The following AGMO variants were observed in gnomAD, a reference collection of about 807,000 sequenced individuals.
The protein encoded by AGMO is glyceryl-ether monooxygenase.
AGMO carries 75 observed loss-of-function variants against 60.2 expected under a neutral mutation model. The observed-to-expected ratio is 1.25, with a 90% CI of 1.03 to 1.51. The LOEUF (loss-of-function observed/expected upper bound fraction) is 1.51, where lower values mean the gene tolerates loss of function less well. Ranked by LOEUF, AGMO falls within the 40% of genes most tolerant of loss-of-function variation. The pLI is 0.00. For synonymous variants in AGMO, 261 were observed against 177.1 expected, an observed-to-expected ratio of 1.47 and a Z score of -3.76; for missense variants, 763 against 525.5, an observed-to-expected ratio of 1.45 and a Z score of -4.42.
intron 3 of AGMO, among the ~76,000 whole-genome samples, chr7:15,470,477 T>G (rs1269649470): frequency 6.6e-6 from 1 of 151,976 alleles, no homozygotes. Context: ...TTTCTAAAAT[T>G]TTTCAACTTC....
At chr7:15,537,475 C>A (rs1211115486) in intron 3 of AGMO, among the ~76,000 whole-genome samples, 15 of 152,098 alleles carry the variant, frequency 9.9e-5, no homozygotes. Context: ...AGTTTATAAT[C>A]TTTACTCCAT....
chr7:15,377,196 C>G (rs1783489935), intron 10 of AGMO, among the ~76,000 whole-genome samples: 1 of 151,984 alleles, frequency 6.6e-6, no homozygotes, highest in Non-Finnish European at 1.5e-5. Flanking sequence ...TGCAAATAAA[C>G]AACCTTTCTT....
intron 12 of AGMO, among the ~76,000 whole-genome samples, chr7:15,277,876 C>T (rs1289615980): frequency 1.3e-5 from 2 of 152,210 alleles, no homozygotes; most frequent in South Asian, 2.1e-4. Context: ...ACCTGGCTTG[C>T]CTATGATATC....
chr7:15,399,600 G>A (rs967833825), intron 5 of AGMO, among the ~76,000 whole-genome samples: 7 of 152,106 alleles, frequency 4.6e-5, no homozygotes, highest in African/African-American at 1.7e-4. Context: ...GTAACAGTAA[G>A]CTCCATGATG....
the AGMO span, among the ~76,000 whole-genome samples, chr7:15,150,212 A>G: frequency 6.6e-6 from 1 of 152,018 alleles, no homozygotes; most frequent in Admixed American, 6.6e-5. Context: ...TGGGTAGACT[A>G]TGAGGTTTCC....
chr7:15,247,455 C>CAG (rs1201390163), intron 12 of AGMO, among the ~76,000 whole-genome samples: 94 of 120,288 alleles, frequency 7.8e-4, no homozygotes, highest in African/African-American at 2.6e-3. Context: ...CACACACACA[C>CAG]ACACAGAGAG....
the AGMO span, among the ~76,000 whole-genome samples, chr7:15,152,491 C>A: frequency 2.0e-5 from 3 of 152,110 alleles, no homozygotes; most frequent in East Asian, 5.8e-4. Flanking sequence ...TGTCTCTCAA[C>A]CCCCTCCCAC....
At chr7:15,410,005 T>A (rs868135645) in intron 5 of AGMO, among the ~76,000 whole-genome samples, 11 of 151,456 alleles carry the variant, frequency 7.3e-5, no homozygotes, top group Middle Eastern at 6.8e-3. Flanking sequence ...AAATAAATAA[T>A]AAATAAATAA....
At chr7:15,204,915 A>C (rs1460101706) in intron 12 of AGMO, among the ~76,000 whole-genome samples, 1 of 151,780 alleles carries the variant, frequency 6.6e-6, no homozygotes, top group Non-Finnish European at 1.5e-5. Flanking sequence ...CTGGACTCGA[A>C]CTCCTGGGCT....
chr7:15,220,612 G>C (rs1053340925), intron 12 of AGMO, among the ~76,000 whole-genome samples: 1 of 151,548 alleles, frequency 6.6e-6, no homozygotes. Flanking sequence ...AGGACACAGT[G>C]ATAATAATAT....
chr7:15,396,422 T>C (rs1784385802), intron 5 of AGMO: 1 of 152,280 alleles, frequency 6.6e-6, no homozygotes, highest in East Asian at 1.9e-4. Flanking sequence ...TTCAGTAACC[T>C]TGCTGGCTTG....
intron 12 of AGMO, among the ~76,000 whole-genome samples, chr7:15,251,553 T>G (rs1351403921): frequency 6.6e-6 from 1 of 152,240 alleles, no homozygotes; most frequent in Non-Finnish European, 1.5e-5. Flanking sequence ...GAAGTTAATG[T>G]TCTAAGAAAG....
At chr7:15,260,753 C>G (rs553392109) in intron 12 of AGMO, among the ~76,000 whole-genome samples, 26 of 152,086 alleles carry the variant, frequency 1.7e-4, no homozygotes, top group Non-Finnish European at 3.1e-4. Context: ...CAAGGTACAT[C>G]ATATGATGTA....
In AGMO at chr7:15,427,664, A is replaced by T. The variant is rs560906383; in HGVS notation, c.513+3341T>A. ...GTAATATTTTATATGACATCCATGAATTTAAACACATTTTATTATTATCAT... is the reference window on the plus strand; with the variant it reads ...GTAATATTTTATATGACATCCATGATTTTAAACACATTTTATTATTATCAT... On this transcript the variant is annotated intron_variant, in intron 4 of 12. Transcript: ENST00000342526. Among the ~76,000 whole-genome samples the T allele has an allele frequency of 2.6e-4, 40 of 152,150 alleles. 1 individual carries two copies. The highest frequency in any genetic ancestry group is 9.6e-4 in the African/African-American group (40 of 41,506).
chr7:15,334,317 T>A (rs1225370288), intron 12 of AGMO, among the ~76,000 whole-genome samples: 7 of 151,950 alleles, frequency 4.6e-5, no homozygotes, highest in Non-Finnish European at 7.4e-5. Context: ...GTGAGTTTTT[T>A]TTTTTTTTAA....
At chr7:15,119,383 TTTC>T in the AGMO span, among the ~76,000 whole-genome samples, 1 of 152,056 alleles carries the variant, frequency 6.6e-6, no homozygotes, top group Non-Finnish European at 1.5e-5. Flanking sequence ...GTCTTGGGTG[TTTC>T]TTTATACCAG....
the AGMO span, among the ~76,000 whole-genome samples, chr7:15,183,229 G>C: frequency 6.6e-6 from 1 of 150,816 alleles, no homozygotes. Flanking sequence ...GCACCATTTT[G>C]ACTTTAAAGA....
At chr7:15,304,836 C>A (rs1421055423) in intron 12 of AGMO, among the ~76,000 whole-genome samples, 1 of 151,982 alleles carries the variant, frequency 6.6e-6, no homozygotes, top group Non-Finnish European at 1.5e-5. Context: ...TCATGAAAAT[C>A]TGAGGCATTA....
At chr7:15,152,839 T>A in the AGMO span, among the ~76,000 whole-genome samples, 1 of 152,184 alleles carries the variant, frequency 6.6e-6, no homozygotes, top group Non-Finnish European at 1.5e-5. Flanking sequence ...TAATGACTTC[T>A]TTTTCTCTAG....
Sources: allele counts gnomAD v4.1 joint callset (sites outside exome capture counted in the v4.1 genomes callset), GRCh38; gene constraint gnomAD v4.1.1; transcripts MANE v1.5; gene names NCBI Gene and HGNC (gene_info 2026-07-23, HGNC 2026-07-21).